PAAF1: variants seen among roughly 807,000 people sequenced by gnomAD.
The protein encoded by PAAF1 is proteasomal ATPase-associated factor 1.
In PAAF1, 46 loss-of-function variants were observed where a neutral mutation model predicts 52.8. The ratio of observed to expected loss-of-function variants is 0.87; its 90% confidence interval spans 0.69 to 1.11. PAAF1 has a LOEUF of 1.11. Ranked by LOEUF, PAAF1 falls within the 50% of genes most tolerant of loss-of-function variation. The pLI, the probability that PAAF1 is intolerant of heterozygous loss-of-function variation, is 0.00. For missense variants in PAAF1, 424 were observed against 477.4 expected, an observed-to-expected ratio of 0.89 and a Z score of 1.04; for synonymous variants, 178 against 172.8, an observed-to-expected ratio of 1.03 and a Z score of -0.24.
rs761236205 is a variant in PAAF1, at chr11:73,887,338, CT to C, written c.89-12del. 5.1e-6 allele frequency: 8 copies of C among 1,574,476 alleles called. No homozygotes were observed. In the African/African-American group the frequency reaches 6.8e-5, roughly 13 times the overall value. On this transcript the variant is annotated splice_polypyrimidine_tract_variant and intron_variant, in intron 2 of 11. Coordinates refer to ENST00000310571, the MANE Select transcript of PAAF1 (RefSeq NM_025155.3). ...TTTTCTTATTTTTTGAGACATGCTT[CT>C]TTTGTACCATATAGGGAAACCATCT...
At chr11:73,926,471 G>A (rs1300924753) in intron 11 of PAAF1, among the ~76,000 whole-genome samples, 1 of 152,154 alleles carries the variant, frequency 6.6e-6, no homozygotes, top group Non-Finnish European at 1.5e-5. Flanking sequence ...CACTTTGGGA[G>A]GCGGAGGGGG....
At position 73,887,396 on chromosome 11, in the gene PAAF1, G is replaced by C. The variant is rs780631254; in HGVS notation, c.131G>C (p.Gly44Ala). 2 of 1,613,096 alleles carry C rather than the reference G, an allele frequency of 1.2e-6. No individual in the cohort carries two copies. The highest frequency in any genetic ancestry group is 4.5e-5 in the East Asian group (2 of 44,812). The change falls in exon 3 of 12, where the codon GGC (glycine) becomes GCC (alanine). Residue 44 changes from glycine (G) to alanine (A), a missense_variant. By Grantham distance (60) the Gly-to-Ala change is moderately conservative (BLOSUM62 0). Coordinates refer to ENST00000310571, the MANE Select transcript of PAAF1 (RefSeq NM_025155.3). ...GGCAGCCTGACTTGTCAAGGAATTG[G>C]CCTAGATGGCATCCCAGAGGTTACA... Reference protein sequence around the residue: ...LYGSLTCQGIGLDGIPEVTAS... With the variant: ...LYGSLTCQGIALDGIPEVTAS...
At chr11:73,876,819 C>T, upstream of PAAF1, 1 of 455,378 alleles carries the variant, frequency 2.2e-6, no homozygotes, top group Non-Finnish European at 3.7e-6. Context: ...GTTTCGCAGG[C>T]GGTTGGGGAT....
rs545718808 is a variant in PAAF1 at position 73,924,637 on chromosome 11, C to A, written c.1041C>A (p.Val347=). 14 of 1,613,904 alleles carry A rather than the reference C, an allele frequency of 8.7e-6. No homozygotes were observed. The Admixed American group carries it at 1.0e-4, about 12-fold the overall frequency. The change falls in exon 11 of 12, where the codon GTC becomes GTA. Residue 347 remains valine (V), a synonymous_variant. Coordinates refer to ENST00000310571, the MANE Select transcript of PAAF1 (RefSeq NM_025155.3). ...ASQGDGSCFI[V]QQDLDYVTEL... is the part of the protein sequence containing the mutation. ...CAGGTGATGGAAGCTGTTTTATTGTCCAGCAAGACTTAGACTATGTCACTG... is the reference window on the plus strand; with the variant it reads ...CAGGTGATGGAAGCTGTTTTATTGTACAGCAAGACTTAGACTATGTCACTG...
chr11:73,882,979 A>G (rs937567561), intron 2 of PAAF1, among the ~76,000 whole-genome samples: 1 of 152,216 alleles, frequency 6.6e-6, no homozygotes, highest in South Asian at 2.1e-4. Context: ...GGCTTACTGC[A>G]GCCTTGATCT....
chr11:73,913,781 C>A (rs908843765), intron 7 of PAAF1, among the ~76,000 whole-genome samples: 5 of 151,970 alleles, frequency 3.3e-5, no homozygotes, highest in Non-Finnish European at 5.9e-5. Flanking sequence ...GAATAAATTT[C>A]ATTTTCTCTA....
At chr11:73,926,630 A>G (rs539890657) in intron 11 of PAAF1, among the ~76,000 whole-genome samples, 18 of 151,660 alleles carry the variant, frequency 1.2e-4, no homozygotes, top group African/African-American at 3.1e-4. Context: ...AATGGCGTGA[A>G]CCCGGGAGGC....
At position 73,887,493 on chromosome 11, in the gene PAAF1, A is replaced by G. The variant is rs776624432; in HGVS notation, c.192+36A>G. 5.0e-6 allele frequency: 7 copies of G among 1,408,722 alleles called. No individual in the cohort carries two copies. In the South Asian group the frequency reaches 8.9e-5, roughly 18 times the overall value. 87.3% of individuals were successfully genotyped at this position (1,408,722 alleles called of 1,614,324 possible). On this transcript the variant is annotated intron_variant, in intron 3 of 11. Transcript: ENST00000310571. ...ATGTCTTCTAGATGGCATGATATTT[A>G]AAACTATGGTAGTACCCAAACATCT...
intron 6 of PAAF1, among the ~76,000 whole-genome samples, chr11:73,908,677 G>A (rs1949844253): frequency 6.6e-6 from 1 of 152,104 alleles, no homozygotes; most frequent in South Asian, 2.1e-4. Flanking sequence ...GGAATTACAG[G>A]TGTGTACCAC....
chr11:73,887,590 G>A (rs933678514), intron 3 of PAAF1, 133 bp downstream of exon 3: 2 of 545,140 alleles, frequency 3.7e-6, no homozygotes, highest in African/African-American at 3.9e-5. Flanking sequence ...TTTGCTGTCT[G>A]TGAGTGTCAT....
intron 4 of PAAF1, 145 bp downstream of exon 4, chr11:73,891,346 G>A: frequency 1.8e-6 from 1 of 562,652 alleles, no homozygotes; most frequent in Non-Finnish European, 3.1e-6. Flanking sequence ...GATGAAGTCT[G>A]ATGTGTTTGG....
chr11:73,899,408 CTTTTTTTTTTTT>C (rs71065053), intron 5 of PAAF1, among the ~76,000 whole-genome samples, 164 bp downstream of exon 5: 4 of 101,220 alleles, frequency 4.0e-5, no homozygotes, highest in African/African-American at 1.2e-4. Flanking sequence ...TTCTTTTTCT[CTTTTTTTTTTTT>C]TTTTTTTTTT....
chr11:73,913,271 T>A (rs1391876597), intron 7 of PAAF1, among the ~76,000 whole-genome samples: 1 of 152,158 alleles, frequency 6.6e-6, no homozygotes, highest in African/African-American at 2.4e-5. Flanking sequence ...GCCATTCAGT[T>A]GAAAAGTGAC....
At chr11:73,882,592 A>AGG (rs1948946569) in intron 2 of PAAF1, among the ~76,000 whole-genome samples, 1 of 151,200 alleles carries the variant, frequency 6.6e-6, no homozygotes, top group South Asian at 2.1e-4. Flanking sequence ...GATTTCAGAC[A>AGG]TGCGCCACCA....
At chr11:73,923,473 C>T (rs544319816) in intron 10 of PAAF1, among the ~76,000 whole-genome samples, 43 of 152,078 alleles carry the variant, frequency 2.8e-4, no homozygotes, top group Admixed American at 1.4e-3. Context: ...GATTTTTGTA[C>T]CTCTGCTTTG....
At chr11:73,911,566 G>A (rs150532100) in intron 7 of PAAF1, among the ~76,000 whole-genome samples, 18 of 150,778 alleles carry the variant, frequency 1.2e-4, no homozygotes, top group African/African-American at 3.2e-4. Context: ...TTCTAGGATG[G>A]TTTGTGCCCA....
At chr11:73,906,546 T>C (rs542240821) in intron 6 of PAAF1, among the ~76,000 whole-genome samples, 6 of 152,326 alleles carry the variant, frequency 3.9e-5, no homozygotes, top group Admixed American at 1.3e-4. Flanking sequence ...GCACTGTACC[T>C]GGCCTGGATT....
intron 6 of PAAF1, among the ~76,000 whole-genome samples, chr11:73,900,899 G>A (rs951810732): frequency 8.8e-5 from 13 of 148,120 alleles, no homozygotes; most frequent in African/African-American, 2.7e-4. Context: ...GGAGAATGGC[G>A]TGAACCCGGG....
chr11:73,922,816 C>CAAAAAA (rs372724683), intron 10 of PAAF1, among the ~76,000 whole-genome samples: 2 of 77,684 alleles, frequency 2.6e-5, no homozygotes, highest in Non-Finnish European at 5.5e-5. Context: ...GACTCCGTCT[C>CAAAAAA]AAAAAAAAAA....
Sources: allele counts gnomAD v4.1 joint callset (sites outside exome capture counted in the v4.1 genomes callset), GRCh38; gene constraint gnomAD v4.1.1; transcripts MANE v1.5; gene names NCBI Gene and HGNC (gene_info 2026-07-23, HGNC 2026-07-21).